Variants in KLHL29 observed in about 807,000 individuals in gnomAD.
The protein encoded by KLHL29 is kelch-like protein 29.
A neutral mutation model predicts 80.4 loss-of-function variants in KLHL29; 21 were observed. That is an observed-to-expected ratio of 0.26 (90% confidence interval 0.19 to 0.38). The LOEUF is 0.38. Among genes scored for constraint, KLHL29 ranks in the 10% least tolerant of loss-of-function variants. The pLI is 1.00. For missense variants in KLHL29, 867 were observed against 1,223.9 expected (o/e 0.71, Z 4.35); for synonymous variants, 511 against 526.8 (o/e 0.97, Z 0.41).
At chr2:23,386,232 C>A (rs759577185) in intron 1 of KLHL29, among the ~76,000 whole-genome samples, 51 of 152,204 alleles carry the variant, frequency 3.4e-4, no homozygotes, top group Non-Finnish European at 6.6e-4. Context: ...GGGGCGGCCG[C>A]GCGCACTGTC....
At chr2:23,411,379 TTG>T (rs56103621) in intron 1 of KLHL29, among the ~76,000 whole-genome samples, 24,147 of 108,664 alleles carry the variant, frequency 0.22, 2,339 homozygotes, top group Middle Eastern at 0.31. Context: ...GTTGCAAAAA[TTG>T]TGTGTGTGTG....
chr2:23,514,910 C>T (rs1211095108), intron 2 of KLHL29, among the ~76,000 whole-genome samples: 2 of 152,296 alleles, frequency 1.3e-5, no homozygotes, highest in South Asian at 2.1e-4. Flanking sequence ...TCCTGCACTT[C>T]CATTAATGAC....
At chr2:23,557,770 C>T (rs1326057223) in intron 2 of KLHL29, among the ~76,000 whole-genome samples, 1 of 152,122 alleles carries the variant, frequency 6.6e-6, no homozygotes, top group Admixed American at 6.5e-5. Flanking sequence ...TCCATCCTCC[C>T]CAGCTGGAAG....
chr2:23,588,668 G>A (rs2103514399), intron 3 of KLHL29, among the ~76,000 whole-genome samples: 1 of 152,328 alleles, frequency 6.6e-6, no homozygotes, highest in East Asian at 1.9e-4. Context: ...CTCTAGGGCT[G>A]TGGCCTATAT....
At chr2:23,502,338 T>C (rs377513029) in intron 2 of KLHL29, among the ~76,000 whole-genome samples, 16 of 152,384 alleles carry the variant, frequency 1.0e-4, no homozygotes, top group African/African-American at 3.4e-4. Flanking sequence ...AACATATTTC[T>C]GCCCCAACAA....
In KLHL29 at chr2:23,463,992, A is replaced by C. The variant is rs1405455344; in HGVS notation, c.-153-11568A>C. Among the ~76,000 whole-genome samples, 4 of 152,314 alleles carry C rather than the reference A, an allele frequency of 2.6e-5. No homozygotes were observed. The East Asian group carries it at 7.7e-4, about 29-fold the overall frequency. On this transcript the variant is annotated intron_variant, in intron 1 of 13. Coordinates refer to ENST00000486442, the MANE Select transcript of KLHL29 (RefSeq NM_052920.2). ...TATGTATTGTGCTGTTACTGTTTTA[A>C]ATTTTTTTCAGATAATTGGAACCTG...
chr2:23,535,934 A>G (rs1666647757), intron 2 of KLHL29, among the ~76,000 whole-genome samples: 1 of 152,220 alleles, frequency 6.6e-6, no homozygotes, highest in African/African-American at 2.4e-5. Context: ...GATTACAATA[A>G]AAAGAATAAA....
At chr2:23,429,792 CAGAT>C (rs1448542097) in intron 1 of KLHL29, among the ~76,000 whole-genome samples, 1 of 151,880 alleles carries the variant, frequency 6.6e-6, no homozygotes, top group African/African-American at 2.4e-5. Context: ...ATTTGGGAAA[CAGAT>C]AGGAGGGGAA....
chr2:23,483,660 A>G (rs1572349271), intron 2 of KLHL29, among the ~76,000 whole-genome samples: 1 of 152,218 alleles, frequency 6.6e-6, no homozygotes, highest in Admixed American at 6.5e-5. Flanking sequence ...AAGTGTTTTC[A>G]TAGCTTCCTC....
chr2:23,562,331 C>G lies in KLHL29; in HGVS notation c.135C>G (p.Ser45Arg), dbSNP rs1433163660. 1 of 1,544,830 alleles carries G rather than the reference C, an allele frequency of 6.5e-7. No individual in the cohort carries two copies. The highest frequency in any genetic ancestry group is 2.0e-5 in the Admixed American group (1 of 50,848). Residue 45 changes from serine (S) to arginine (R), a missense_variant, in exon 3 of 14, where the codon AGC becomes AGG. Transcript: ENST00000486442. This position sits in a 1 kb window ranked among gnomAD's most constrained non-coding sequence, Gnocchi z 4.5. ...CGGGGGCCGGTGGCGGCACAGCCAG[C>G]AGCCTCAGCGTCCGGCCCGGCCTCC... is the stretch of plus-strand genomic sequence containing the variant. The part of the protein sequence containing the change: ...VTSGAGGGTA[S>R]SLSVRPGLLP...
chr2:23,631,671 A>C (rs1669473246), intron 3 of KLHL29, among the ~76,000 whole-genome samples: 1 of 152,216 alleles, frequency 6.6e-6, no homozygotes, highest in Admixed American at 6.5e-5. Flanking sequence ...TCTCATTTGT[A>C]GTTCAGTAGC....
chr2:23,692,964 AGCCCAG>A (rs1572511482), intron 7 of KLHL29, among the ~76,000 whole-genome samples: 1 of 152,080 alleles, frequency 6.6e-6, no homozygotes, highest in South Asian at 2.1e-4. Context: ...GCCTGACCCC[AGCCCAG>A]GCCCAGGCTC....
At chr2:23,584,555 C>T (rs770431486) in intron 3 of KLHL29, among the ~76,000 whole-genome samples, 3 of 152,184 alleles carry the variant, frequency 2.0e-5, no homozygotes, top group Non-Finnish European at 4.4e-5. Context: ...GAGCTCATCA[C>T]GTCCCTCCAA....
intron 2 of KLHL29, among the ~76,000 whole-genome samples, chr2:23,544,794 G>T (rs1558381802): frequency 6.6e-6 from 1 of 152,190 alleles, no homozygotes; most frequent in Admixed American, 6.5e-5. Context: ...GTAGAATGGG[G>T]CCTAAAGTGA....
At chr2:23,468,546 C>T (rs1664411905) in intron 1 of KLHL29, among the ~76,000 whole-genome samples, 1 of 152,188 alleles carries the variant, frequency 6.6e-6, no homozygotes, top group African/African-American at 2.4e-5. Flanking sequence ...AGACACCGCC[C>T]CCCTCCCCGC....
chr2:23,635,403 C>G (rs1669581704), intron 3 of KLHL29, among the ~76,000 whole-genome samples: 2 of 152,170 alleles, frequency 1.3e-5, no homozygotes, highest in Admixed American at 1.3e-4. Flanking sequence ...CTGGTTCCCC[C>G]CAAGCTGGTG....
intron 3 of KLHL29, among the ~76,000 whole-genome samples, chr2:23,572,887 A>G (rs1404027784): frequency 6.6e-6 from 1 of 152,156 alleles, no homozygotes; most frequent in Non-Finnish European, 1.5e-5. Context: ...TTTTTAGTAG[A>G]GACGGGGTTT....
intron 13 of KLHL29, among the ~76,000 whole-genome samples, chr2:23,704,444 T>C (rs919111108): frequency 2.0e-5 from 3 of 152,158 alleles, no homozygotes; most frequent in Non-Finnish European, 4.4e-5. Context: ...GCCCCATCCT[T>C]TCCTGGACTA....
chr2:23,529,725 A>G (rs1313480518), intron 2 of KLHL29, among the ~76,000 whole-genome samples: 1 of 152,228 alleles, frequency 6.6e-6, no homozygotes, highest in East Asian at 1.9e-4. Flanking sequence ...GTACAGAAAC[A>G]GGACCTAGCT....
Sources: gnomAD v4.1 joint callset for allele counts (sites outside exome capture counted in the v4.1 genomes callset) on GRCh38, gnomAD v4.1.1 for gene constraint, Gnocchi (gnomAD v3.1) non-coding constraint, MANE v1.5 for transcripts, NCBI Gene and HGNC (gene_info 2026-07-23, HGNC 2026-07-21) for gene names.